Variants in MYPN observed in about 807,000 individuals in gnomAD.
MYPN encodes the protein sarcomeric protein myopalladin, 145 kDa (MYOP).
Under a neutral mutation model 129.4 loss-of-function variants are expected in MYPN, and 63 were observed. That is an observed-to-expected ratio of 0.49 (90% CI 0.40 to 0.60). MYPN has a LOEUF of 0.60. MYPN is among the 20% of genes least tolerant of loss of function. The pLI, the probability that MYPN is intolerant of heterozygous loss-of-function variation, is 0.00. For missense variants in MYPN, 1,596 were observed against 1,635.4 expected, an observed-to-expected ratio of 0.98 and a Z score of 0.42; for synonymous variants, 629 against 600.9, an observed-to-expected ratio of 1.05 and a Z score of -0.68.
At chr10:68,181,064 A>G (rs1158494766) in intron 12 of MYPN, among the ~76,000 whole-genome samples, 5 of 152,154 alleles carry the variant, frequency 3.3e-5, no homozygotes, top group South Asian at 2.1e-4. Context: ...TTTAATTTCT[A>G]TAACACCCAG....
rs2043915545 is a variant in MYPN, at chr10:68,211,529, T to G, written c.*1074T>G. 1 of 453,980 alleles carries G rather than the reference T, an allele frequency of 2.2e-6. No individual in the cohort carries two copies. Among genetic ancestry groups the G allele is most frequent in the South Asian group, 1.6e-5 (1 of 64,478 alleles). The allele number at this position is 453,980 out of a possible 1,614,324, so 28.1% of individuals were successfully genotyped here. A position where few individuals can be genotyped will look rare whatever the true frequency, so the allele number is the denominator to read the frequency against. ...AATTGCATTTTCTATGTAGAGAATA[T>G]TCTGCTAGGTGGAAAAGTTGGGAGA... is the stretch of plus-strand genomic sequence containing the variant. On this transcript the variant is annotated 3_prime_UTR_variant, in exon 20 of 20. Coordinates refer to ENST00000358913, the MANE Select transcript of MYPN (RefSeq NM_032578.4).
At position 68,196,748 on chromosome 10, in the gene MYPN, G is replaced by T. The variant is rs538956272; in HGVS notation, c.3159-604G>T. 1.2e-4 allele frequency among the ~76,000 whole-genome samples: 19 copies of T among 152,120 alleles called. No homozygotes were observed. In the East Asian group the frequency reaches 1.9e-3, roughly 15 times the overall value. ...AGTCAACCTGCTTCAGCCTCCCAAA[G>T]TGCTAGGATTACAGGCTTGAGCCAC... is the stretch of plus-strand genomic sequence containing the variant. On this transcript the variant is annotated intron_variant, in intron 15 of 19. Coordinates refer to ENST00000358913, the MANE Select transcript of MYPN (RefSeq NM_032578.4).
chr10:68,175,180 C>T, intron 11 of MYPN, 143 bp from the exon 12 acceptor site: 1 of 903,394 alleles, frequency 1.1e-6, no homozygotes, highest in Non-Finnish European at 1.7e-6. Flanking sequence ...TTTACAAATA[C>T]CGATTCTCTG....
At chr10:68,164,965 C>T (rs1174524876) in intron 8 of MYPN, among the ~76,000 whole-genome samples, 1 of 152,176 alleles carries the variant, frequency 6.6e-6, no homozygotes, top group Non-Finnish European at 1.5e-5. Context: ...GCAAAAGTTC[C>T]CCAAGGAAAT....
In MYPN at chr10:68,098,831, A is replaced by C. The variant is rs181132262; in HGVS notation, c.-2+10839A>C. On this transcript the variant is annotated intron_variant, in intron 1 of 6. Transcript: ENST00000685154. ...GCACTCCAGCCTGGGCGACAAGAGC[A>C]AGACTCTGTCTCAAAAAACAAATTT... is the stretch of plus-strand genomic sequence containing the variant. Among the ~76,000 whole-genome samples the C allele has an allele frequency of 1.1e-4, 17 of 151,924 alleles. No individual in the cohort carries two copies. In the East Asian group the frequency reaches 3.3e-3, roughly 29 times the overall value.
At chr10:68,101,610 A>AT (rs749783902), upstream of MYPN, among the ~76,000 whole-genome samples, 7 of 150,524 alleles carry the variant, frequency 4.7e-5, no homozygotes, top group African/African-American at 7.3e-5. Context: ...CATTTTTAAC[A>AT]TTTTTTTTCA....
chr10:68,089,953 A>G (rs968127626), intron 1 of MYPN, among the ~76,000 whole-genome samples: 2 of 152,184 alleles, frequency 1.3e-5, no homozygotes, highest in Non-Finnish European at 2.9e-5. Context: ...GAGAACTTAT[A>G]TGGGACACAG....
intron 2 of MYPN, among the ~76,000 whole-genome samples, chr10:68,125,274 A>G (rs894961358): frequency 1.3e-5 from 2 of 152,216 alleles, no homozygotes; most frequent in Non-Finnish European, 1.5e-5. Flanking sequence ...TCCATGTAGC[A>G]ATGCTAATTT....
At chr10:68,139,563 T>C (rs900860412) in intron 2 of MYPN, among the ~76,000 whole-genome samples, 1 of 152,200 alleles carries the variant, frequency 6.6e-6, no homozygotes, top group Admixed American at 6.5e-5. Flanking sequence ...TAATCGGACA[T>C]CCAGTATTTG....
rs757496856 is a variant in MYPN at position 68,201,816 on chromosome 10, T to TTC, written c.3494-9_3494-8dup. 1.9e-6 allele frequency: 3 copies of TTC among 1,613,222 alleles called. No individual in the cohort carries two copies. Among genetic ancestry groups the TTC allele is most frequent in the Non-Finnish European group, 2.5e-6 (3 of 1,179,644 alleles). On this transcript the variant is annotated splice_polypyrimidine_tract_variant and intron_variant, in intron 17 of 19. Coordinates refer to ENST00000358913, the MANE Select transcript of MYPN (RefSeq NM_032578.4). Reference sequence around the variant, plus strand: ...AAAAGAAAGAAAAAAAGAATGACCCTTCTCTTGCTCAGCCAAAGAGGTGAA... The same window carrying TTC: ...AAAAGAAAGAAAAAAAGAATGACCCTTCTCTCTTGCTCAGCCAAAGAGGTGAA...
chr10:68,171,835 C>T (rs950792028), intron 10 of MYPN, among the ~76,000 whole-genome samples: 9 of 152,180 alleles, frequency 5.9e-5, no homozygotes, highest in South Asian at 2.1e-4. Context: ...AAGAGAAAGT[C>T]ATCGAATGGG....
intron 10 of MYPN, among the ~76,000 whole-genome samples, chr10:68,172,915 A>AT (rs2043164262): frequency 6.6e-6 from 1 of 152,144 alleles, no homozygotes; most frequent in African/African-American, 2.4e-5. Context: ...TCTACTAAAA[A>AT]TACAAAAATT....
At chr10:68,162,166 C>CAAAAAAAAAAAAAAAAAAAAA in intron 8 of MYPN, 1 of 49,990 alleles carries the variant, frequency 2.0e-5, no homozygotes, top group Non-Finnish European at 4.5e-5. Context: ...GAATCTGTCT[C>CAAAAAAAAAAAAAAAAAAAAA]AAAAAAAAAA....
At chr10:68,161,933 C>A (rs112490547) in intron 8 of MYPN, 181 bp downstream of exon 8, 2 of 485,736 alleles carry the variant, frequency 4.1e-6, no homozygotes, top group East Asian at 3.5e-5. Context: ...GAGGCCGAGG[C>A]GGGCGGATTA....
chr10:68,179,672 T>A (rs994600754), intron 12 of MYPN, among the ~76,000 whole-genome samples: 10 of 152,134 alleles, frequency 6.6e-5, no homozygotes, highest in Non-Finnish European at 1.0e-4. Context: ...AACTTTTTTA[T>A]TTTTTTGAGA....
chr10:68,156,437 A>G (rs1283505514), intron 6 of MYPN, among the ~76,000 whole-genome samples: 1 of 152,186 alleles, frequency 6.6e-6, no homozygotes, highest in African/African-American at 2.4e-5. Flanking sequence ...ACAAATAATA[A>G]CAAGATTTTT....
rs1247782222 is a variant in MYPN at position 68,166,722 on chromosome 10, G to A, written c.1973+56G>A. The A allele has an allele frequency of 1.9e-6, 3 of 1,601,804 alleles. No individual in the cohort carries two copies. The African/African-American group carries it at 4.0e-5, about 21-fold the overall frequency. On this transcript the variant is annotated intron_variant, in intron 10 of 19. Transcript: ENST00000358913. Reference sequence around the variant, plus strand: ...GCTTCTGTGATCTTTTCTTGAATCTGATCTCCTTAAAAGTAATGGAACTCA... The same window carrying A: ...GCTTCTGTGATCTTTTCTTGAATCTAATCTCCTTAAAAGTAATGGAACTCA...
rs7079481 is a variant in MYPN, at chr10:68,199,485, C to A, written c.3403C>A (p.Pro1135Thr). 751,565 of 1,613,704 alleles carry A rather than the reference C, an allele frequency of 0.47. 179,304 individuals are homozygous for A. The highest frequency in any genetic ancestry group is 0.49 in the Non-Finnish European group (583,086 of 1,179,842). ...CGGAGTCCACTCTCTGCTCATTGACCCACTCACTCAGCGCGACGCAGGGAC... is the reference window on the plus strand; with the variant it reads ...CGGAGTCCACTCTCTGCTCATTGACACACTCACTCAGCGCGACGCAGGGAC... ...ETGVHSLLID[P>T]LTQRDAGTYK... Residue 1135 changes from proline to threonine, a missense_variant, in exon 17 of 20, where the codon CCA (proline) becomes ACA (threonine). By Grantham distance (38) the Pro-to-Thr change is conservative. Coordinates refer to ENST00000358913, the MANE Select transcript of MYPN (RefSeq NM_032578.4).
chr10:68,149,601 A>G (rs1450243938), intron 5 of MYPN, among the ~76,000 whole-genome samples: 2 of 152,138 alleles, frequency 1.3e-5, no homozygotes, highest in African/African-American at 4.8e-5. Flanking sequence ...ACCCAGCCTG[A>G]TATATTTCTT....
Sources: allele counts gnomAD v4.1 joint callset (sites outside exome capture counted in the v4.1 genomes callset), GRCh38; gene constraint gnomAD v4.1.1; transcripts MANE v1.5; gene names NCBI Gene and HGNC (gene_info 2026-07-23, HGNC 2026-07-21).